PREX1: variants seen among roughly 807,000 people sequenced by gnomAD.
The protein encoded by PREX1 is phosphatidylinositol-3,4,5-trisphosphate dependent Rac exchange factor 1.
A neutral mutation model predicts 198.3 loss-of-function variants in PREX1; 41 were observed. The observed-to-expected ratio is 0.21, with a 90% CI of 0.16 to 0.27. The LOEUF is 0.27. Ranked by LOEUF, PREX1 falls within the 10% of genes least tolerant of loss-of-function variation. PREX1 has a pLI of 1.00. For synonymous variants in PREX1, 843 were observed against 887.2 expected, an observed-to-expected ratio of 0.95 and a Z score of 0.89; for missense variants, 1,620 against 2,200.7, an observed-to-expected ratio of 0.74 and a Z score of 5.28.
At position 48,649,524 on chromosome 20, in the gene PREX1, A is replaced by G; in HGVS notation, c.3081T>C (p.Ala1027=). The change falls in exon 25 of 40, where the codon GCT becomes GCC. Residue 1027 remains alanine, a synonymous_variant. Coordinates refer to ENST00000371941, the MANE Select transcript of PREX1 (RefSeq NM_020820.4). The part of the protein sequence containing the change: ...YTQHCITTMA[A]PSWKCLPAAE... ...CAGCAGGCAAGCACTTCCAGGAGGG[A>G]GCAGCCATGGTGGTGATGCAGTGCT... 1 of 1,613,124 alleles carries G rather than the reference A, an allele frequency of 6.2e-7. No individual in the cohort carries two copies. Among genetic ancestry groups the G allele is most frequent in the East Asian group, 2.2e-5 (1 of 44,868 alleles).
intron 32 of PREX1, among the ~76,000 whole-genome samples, chr20:48,636,067 G>A (rs942174982): frequency 6.6e-6 from 1 of 152,170 alleles, no homozygotes; most frequent in Non-Finnish European, 1.5e-5. Context: ...CTGGCCGGAT[G>A]TCCAGCAGCA....
In PREX1 at chr20:48,652,442, A is replaced by G. The variant is rs2089506191; in HGVS notation, c.2467+144T>C. 3 of 1,222,508 alleles carry G rather than the reference A, an allele frequency of 2.5e-6. No homozygotes were observed. In the South Asian group the frequency reaches 4.6e-5, roughly 19 times the overall value. The allele number at this position is 1,222,508 out of a possible 1,614,324, so 75.7% of individuals were successfully genotyped here. On this transcript the variant is annotated intron_variant, in intron 21 of 39. Coordinates refer to ENST00000371941, the MANE Select transcript of PREX1 (RefSeq NM_020820.4). Reference sequence around the variant, plus strand: ...GTGACAGAGCCAGAACCTGTCTCCAAAAAGGAAAAAAAAAACAAACCTGCT... The same window carrying G: ...GTGACAGAGCCAGAACCTGTCTCCAGAAAGGAAAAAAAAAACAAACCTGCT...
chr20:48,719,953 T>C (rs2089978253), intron 5 of PREX1, among the ~76,000 whole-genome samples: 2 of 152,176 alleles, frequency 1.3e-5, no homozygotes, highest in African/African-American at 4.8e-5. Context: ...CACAAGGCCA[T>C]ACCTGACCTG....
At chr20:48,786,953 C>T (rs1051611426) in intron 1 of PREX1, among the ~76,000 whole-genome samples, 1 of 151,772 alleles carries the variant, frequency 6.6e-6, no homozygotes, top group Admixed American at 6.6e-5. Flanking sequence ...CACAAGGATG[C>T]GACTCCTGAC....
chr20:48,829,043 G>T (rs1001583114), upstream of PREX1, among the ~76,000 whole-genome samples: 1 of 152,164 alleles, frequency 6.6e-6, no homozygotes, highest in Non-Finnish European at 1.5e-5. Flanking sequence ...TCAGTATAAC[G>T]GGAACGATCA....
intron 14 of PREX1, among the ~76,000 whole-genome samples, chr20:48,667,409 T>C (rs1266896428): frequency 1.3e-5 from 2 of 152,148 alleles, no homozygotes; most frequent in African/African-American, 4.8e-5. Flanking sequence ...GAAAAACATC[T>C]TCCCCCCCAG....
At chr20:48,788,555 T>G (rs1231058010) in intron 1 of PREX1, among the ~76,000 whole-genome samples, 1 of 152,224 alleles carries the variant, frequency 6.6e-6, no homozygotes, top group Non-Finnish European at 1.5e-5. Context: ...TCTTTGTACG[T>G]TGAGCCCCTA....
At chr20:48,635,959 C>G (rs1341231206) in intron 32 of PREX1, among the ~76,000 whole-genome samples, 6 of 152,208 alleles carry the variant, frequency 3.9e-5, no homozygotes, top group Non-Finnish European at 8.8e-5. Flanking sequence ...TCTTGTGCAG[C>G]AGCAGCCAGC....
rs986184765 is a variant in PREX1, at chr20:48,681,367, T to A, written c.1335-32A>T. ...GGAACACAATATGTGGTTGAGAGGA[T>A]TTCCCCAATTCTGGGACCACAGGAA... On this transcript the variant is annotated intron_variant, in intron 10 of 39. Coordinates refer to ENST00000371941, the MANE Select transcript of PREX1 (RefSeq NM_020820.4). 3.1e-6 allele frequency: 5 copies of A among 1,605,318 alleles called. No homozygotes were observed. In the African/African-American group the frequency reaches 4.0e-5, roughly 13 times the overall value.
chr20:48,705,353 G>A (rs975508913), intron 6 of PREX1, among the ~76,000 whole-genome samples: 2 of 152,172 alleles, frequency 1.3e-5, no homozygotes. Context: ...AAAGGATCAG[G>A]GGGTAAAAAA....
chr20:48,677,802 A>G (rs1218245140), intron 13 of PREX1, among the ~76,000 whole-genome samples: 2 of 151,926 alleles, frequency 1.3e-5, no homozygotes, highest in Admixed American at 6.6e-5. Context: ...CCTGGCCAAC[A>G]TGGTGAAACC....
At chr20:48,838,980 C>T in the PREX1 span, among the ~76,000 whole-genome samples, 1 of 110,256 alleles carries the variant, frequency 9.1e-6, no homozygotes. Flanking sequence ...GAGCCAAGAT[C>T]GTGACTCTGT....
chr20:48,714,177 C>T (rs147912439), intron 5 of PREX1, among the ~76,000 whole-genome samples: 3 of 152,142 alleles, frequency 2.0e-5, no homozygotes, highest in East Asian at 1.9e-4. Context: ...TTAAGTTAGG[C>T]GAAGTGCTCT....
chr20:48,801,778 G>A (rs1568869335), intron 1 of PREX1, among the ~76,000 whole-genome samples: 1 of 152,198 alleles, frequency 6.6e-6, no homozygotes, highest in Non-Finnish European at 1.5e-5. Context: ...GAGAGGCAGG[G>A]TCGCATGGGA....
Position 48,637,595 on chromosome 20 carries a change from G to A in PREX1, c.3946+116C>T, listed in dbSNP as rs999960201. ...AGCAAGTTTCAAGTAGCTCTTGGAGGGGCTCCAGGCCAAAGCGTTGCCTCC... is the reference window on the plus strand; with the variant it reads ...AGCAAGTTTCAAGTAGCTCTTGGAGAGGCTCCAGGCCAAAGCGTTGCCTCC... On this transcript the variant is annotated intron_variant, in intron 31 of 39. Coordinates refer to ENST00000371941, the MANE Select transcript of PREX1 (RefSeq NM_020820.4). 13 of 1,065,608 alleles carry A rather than the reference G, an allele frequency of 1.2e-5. No homozygotes were observed. The African/African-American group carries it at 1.3e-4, about 11-fold the overall frequency. The allele number at this position is 1,065,608 out of a possible 1,614,324, so 66.0% of individuals were successfully genotyped here.
intron 1 of PREX1, among the ~76,000 whole-genome samples, chr20:48,794,760 T>C (rs2090353055): frequency 6.6e-6 from 1 of 152,218 alleles, no homozygotes; most frequent in Non-Finnish European, 1.5e-5. Context: ...CCTCGGGGAC[T>C]GGGCCTTGGA....
chr20:48,642,744 T>C, intron 27 of PREX1: 1 of 394,394 alleles, frequency 2.5e-6, no homozygotes, highest in South Asian at 5.3e-5. Context: ...GTTTCCATTC[T>C]GCAAATGAGG....
Position 48,691,917 on chromosome 20 carries a change from T to C in PREX1, c.1036+755A>G, listed in dbSNP as rs1176636578. Among the ~76,000 whole-genome samples the C allele has an allele frequency of 6.6e-6, 1 of 152,152 alleles. No homozygotes were observed. The highest frequency in any genetic ancestry group is 6.5e-5 in the Admixed American group (1 of 15,274). On this transcript the variant is annotated intron_variant, in intron 8 of 39. Transcript: ENST00000371941. The surrounding 1 kb of genome is among the most constrained non-coding windows in gnomAD (Gnocchi z 5.0). ...ATATTTTCTGGGCGGGGAGACTAGGTGTCGCTCTGTCACCCAGGCTGGAGT... is the reference window on the plus strand; with the variant it reads ...ATATTTTCTGGGCGGGGAGACTAGGCGTCGCTCTGTCACCCAGGCTGGAGT...
intron 4 of PREX1, among the ~76,000 whole-genome samples, chr20:48,734,140 G>C (rs556039468): frequency 1.3e-5 from 2 of 152,278 alleles, no homozygotes; most frequent in South Asian, 4.1e-4. Context: ...CATAATGACA[G>C]TAGTATTAAT....
Sources: allele counts gnomAD v4.1 joint callset (sites outside exome capture counted in the v4.1 genomes callset), GRCh38; gene constraint gnomAD v4.1.1; non-coding constraint Gnocchi (gnomAD v3.1); transcripts MANE v1.5; gene names NCBI Gene and HGNC (gene_info 2026-07-23, HGNC 2026-07-21).